Variants in NELL2 observed in about 807,000 individuals in gnomAD.
NELL2 encodes the protein protein kinase C-binding protein NELL2.
In NELL2, 41 loss-of-function variants were observed where a neutral mutation model predicts 109.6. The observed-to-expected ratio is 0.37, with a 90% CI of 0.29 to 0.49. The LOEUF (loss-of-function observed/expected upper bound fraction) is 0.49. Among genes scored for constraint, NELL2 ranks in the 20% least tolerant of loss-of-function variants. NELL2 has a pLI of 0.98. For missense variants in NELL2, 900 were observed against 1,008.3 expected (o/e 0.89, Z 1.45); for synonymous variants, 355 against 344.7 (o/e 1.03, Z -0.33).
At chr12:44,530,219 G>C (rs138552718) in intron 16 of NELL2, among the ~76,000 whole-genome samples, 1 of 152,188 alleles carries the variant, frequency 6.6e-6, no homozygotes, top group Non-Finnish European at 1.5e-5. Context: ...GCGAGTACGG[G>C]TCGTGGTGGA....
At chr12:44,833,462 C>T (rs1943948391) in intron 2 of NELL2, among the ~76,000 whole-genome samples, 1 of 152,132 alleles carries the variant, frequency 6.6e-6, no homozygotes. Context: ...GCTTTATATG[C>T]CAGTCTTACA....
chr12:44,556,050 G>A (rs1475637971), intron 15 of NELL2, among the ~76,000 whole-genome samples: 2 of 152,172 alleles, frequency 1.3e-5, no homozygotes, highest in African/African-American at 4.8e-5. Flanking sequence ...ACCAAAGTAA[G>A]CTCTTGAGCT....
intron 12 of NELL2, among the ~76,000 whole-genome samples, chr12:44,666,600 G>T (rs1006974810): frequency 6.6e-6 from 1 of 152,152 alleles, no homozygotes; most frequent in Non-Finnish European, 1.5e-5. Flanking sequence ...CCCTGAGAAT[G>T]TCAAAAGAAA....
At chr12:44,909,406 C>CA (rs58464959) in intron 1 of NELL2, among the ~76,000 whole-genome samples, 2,069 of 138,858 alleles carry the variant, frequency 0.015, 36 homozygotes, top group African/African-American at 0.05. Context: ...AGGAGAATGA[C>CA]AAAAAAAAAA....
chr12:44,665,397 C>A (rs1239589681), intron 13 of NELL2, 87 bp downstream of exon 13: 2 of 1,157,946 alleles, frequency 1.7e-6, no homozygotes, highest in East Asian at 5.2e-5. Flanking sequence ...TTATGGTATA[C>A]TTATCAAAAA....
rs567578147 is a variant in NELL2, at chr12:44,891,592, T to A, written c.39-15692A>T. On this transcript the variant is annotated intron_variant, in intron 1 of 20. Transcript: ENST00000333837. ...TAAAGTGATTAGATGTTATTCTCTT[T>A]AAATTTTTTCTCTTTATTTGTAACA... Among the ~76,000 whole-genome samples the A allele has an allele frequency of 5.9e-5, 9 of 151,980 alleles. No individual in the cohort carries two copies. The East Asian group carries it at 1.7e-3, about 29-fold the overall frequency.
intron 15 of NELL2, among the ~76,000 whole-genome samples, chr12:44,587,284 A>AATATAT (rs1555180982): frequency 2.8e-5 from 2 of 72,216 alleles, no homozygotes; most frequent in African/African-American, 5.1e-5. Flanking sequence ...AAAAAAAAAA[A>AATATAT]ATATATATAT....
intron 13 of NELL2, among the ~76,000 whole-genome samples, chr12:44,619,584 C>A (rs1945968451): frequency 6.6e-6 from 1 of 151,552 alleles, no homozygotes; most frequent in Admixed American, 6.6e-5. Context: ...GGAGTCTGTG[C>A]AACACTGAGA....
intron 13 of NELL2, among the ~76,000 whole-genome samples, chr12:44,627,894 G>T (rs1423842206): frequency 6.6e-6 from 1 of 152,180 alleles, no homozygotes; most frequent in Non-Finnish European, 1.5e-5. Flanking sequence ...CAAATAAGTG[G>T]TTCCTGGTTA....
intron 3 of NELL2, among the ~76,000 whole-genome samples, chr12:44,800,022 A>G (rs1942776212): frequency 1.3e-5 from 2 of 152,174 alleles, no homozygotes; most frequent in East Asian, 3.8e-4. Context: ...CCAAATCCTC[A>G]GAATGCATTC....
intron 13 of NELL2, among the ~76,000 whole-genome samples, chr12:44,615,098 T>C (rs1290035688): frequency 6.6e-6 from 1 of 152,062 alleles, no homozygotes; most frequent in Non-Finnish European, 1.5e-5. Context: ...AGTAAATGGA[T>C]TCATTATGAG....
chr12:44,779,258 C>T (rs933528705), intron 5 of NELL2, among the ~76,000 whole-genome samples: 1 of 152,130 alleles, frequency 6.6e-6, no homozygotes, highest in Non-Finnish European at 1.5e-5. Context: ...TTCTGCAGTA[C>T]AAGGAGACCA....
intron 13 of NELL2, among the ~76,000 whole-genome samples, chr12:44,654,448 A>G (rs1947417454): frequency 6.6e-6 from 1 of 152,160 alleles, no homozygotes; most frequent in South Asian, 2.1e-4. Flanking sequence ...GTCCCCTCTG[A>G]TATCTATCTC....
chr12:44,791,132 TATACACAC>T (rs1566404666), intron 3 of NELL2, among the ~76,000 whole-genome samples: 1 of 82,808 alleles, frequency 1.2e-5, no homozygotes, highest in African/African-American at 4.8e-5. Context: ...TATATATATA[TATACACAC>T]GCACACACAT....
At chr12:44,741,773 C>T (rs1305390905) in intron 9 of NELL2, among the ~76,000 whole-genome samples, 1 of 152,176 alleles carries the variant, frequency 6.6e-6, no homozygotes, top group African/African-American at 2.4e-5. Flanking sequence ...CCCACCATTG[C>T]CGAGTTAGTT....
chr12:44,529,773 A>G (rs1253515605), intron 16 of NELL2, among the ~76,000 whole-genome samples: 2 of 152,224 alleles, frequency 1.3e-5, no homozygotes, highest in African/African-American at 4.8e-5. Flanking sequence ...ATCTTGAAAG[A>G]AAAGCATTGG....
chr12:44,765,863 G>T (rs1475831310), intron 9 of NELL2, among the ~76,000 whole-genome samples: 1 of 152,132 alleles, frequency 6.6e-6, no homozygotes, highest in Admixed American at 6.5e-5. Flanking sequence ...AGTGGCTCAC[G>T]CCTGTAATCT....
At position 44,876,118 on chromosome 12, in the gene NELL2, C is replaced by G. The variant is rs992129400; in HGVS notation, c.-249G>C. The G allele has an allele frequency of 7.6e-6, 10 of 1,313,954 alleles. No individual in the cohort carries two copies. Among genetic ancestry groups the G allele is most frequent in the African/African-American group, 7.5e-5 (5 of 67,102 alleles). The allele number at this position is 1,313,954 out of a possible 1,614,324, so 81.4% of individuals were successfully genotyped here. ...GCAGGGCCGAGGCGGCAGCGCGGCCCGGAGGGGGCCCGGAGGGAGGGGTCG... is the reference window on the plus strand; with the variant it reads ...GCAGGGCCGAGGCGGCAGCGCGGCCGGGAGGGGGCCCGGAGGGAGGGGTCG... On this transcript the variant is annotated 5_prime_UTR_variant, in exon 1 of 20. Coordinates refer to ENST00000429094, the MANE Select transcript of NELL2 (RefSeq NM_001145108.2).
At chr12:44,895,271 G>C (rs1051606437) in intron 1 of NELL2, among the ~76,000 whole-genome samples, 8 of 152,160 alleles carry the variant, frequency 5.3e-5, no homozygotes, top group African/African-American at 1.9e-4. Context: ...ATGATTATAT[G>C]ATGAGATAAC....
Sources: gnomAD v4.1 joint callset for allele counts (sites outside exome capture counted in the v4.1 genomes callset) on GRCh38, gnomAD v4.1.1 for gene constraint, MANE v1.5 for transcripts, NCBI Gene and HGNC (gene_info 2026-07-23, HGNC 2026-07-21) for gene names.